CDC40: variants seen among roughly 807,000 people sequenced by gnomAD.
The protein encoded by CDC40 is pre-mRNA-processing factor 17.
In CDC40, 27 loss-of-function variants were observed where a neutral mutation model predicts 80.6. That is an observed-to-expected ratio of 0.33 (90% CI 0.25 to 0.46). CDC40 has a LOEUF of 0.46. Among genes scored for constraint, CDC40 ranks in the 20% least tolerant of loss-of-function variants. CDC40 has a pLI of 1.00. For synonymous variants in CDC40, 221 were observed against 232.6 expected (o/e 0.95, Z 0.45); for missense variants, 486 against 694.1 (o/e 0.70, Z 3.37).
At chr6:110,189,897 T>C (rs1777321902) in intron 1 of CDC40, among the ~76,000 whole-genome samples, 1 of 152,244 alleles carries the variant, frequency 6.6e-6, no homozygotes, top group Non-Finnish European at 1.5e-5. Flanking sequence ...TGCAGCTGGC[T>C]TTCCATAGTC....
At chr6:110,206,200 C>T (rs753903922) in intron 3 of CDC40, among the ~76,000 whole-genome samples, 40 of 152,144 alleles carry the variant, frequency 2.6e-4, no homozygotes, top group Admixed American at 1.0e-3. Flanking sequence ...TGCAGTGGCG[C>T]GATCTCAGCT....
intron 1 of CDC40, among the ~76,000 whole-genome samples, chr6:110,188,269 G>T (rs1434705688): frequency 1.3e-5 from 2 of 152,192 alleles, no homozygotes; most frequent in Non-Finnish European, 2.9e-5. Flanking sequence ...GGGAAGATAT[G>T]AATGTGGCTA....
chr6:110,225,333 A>G (rs1236839672), intron 12 of CDC40, among the ~76,000 whole-genome samples: 1 of 152,212 alleles, frequency 6.6e-6, no homozygotes, highest in African/African-American at 2.4e-5. Flanking sequence ...TCCTTTCAGA[A>G]AAGAATTTTT....
chr6:110,209,918 TTATAGA>T (rs1405283001), intron 5 of CDC40, among the ~76,000 whole-genome samples: 3 of 152,204 alleles, frequency 2.0e-5, no homozygotes, highest in Non-Finnish European at 2.9e-5. Context: ...TGACTTGTTA[TTATAGA>T]TAGAGATTTA....
chr6:110,184,478 T>C (rs1777239975), intron 1 of CDC40, among the ~76,000 whole-genome samples: 1 of 151,886 alleles, frequency 6.6e-6, no homozygotes, highest in Non-Finnish European at 1.5e-5. Context: ...CTTATTTTTA[T>C]GCTGTTAATA....
At chr6:110,223,801 GGTTTTGTTTTGTTTTGTTTTGTTTT>G (rs59654476) in intron 12 of CDC40, among the ~76,000 whole-genome samples, 1 of 143,232 alleles carries the variant, frequency 7.0e-6, no homozygotes, top group Admixed American at 7.0e-5. Flanking sequence ...CAACTTGTAG[GGTTTTGTTTTGTTTTGTTTTGTTTT>G]GTTTTGTTTT....
At chr6:110,207,365 AT>A in intron 3 of CDC40, 140 bp from the exon 4 acceptor site, 2 of 453,456 alleles carry the variant, frequency 4.4e-6, no homozygotes, top group Non-Finnish European at 8.2e-6. Flanking sequence ...GGGCAGAATG[AT>A]TGGTCCTGAT....
intron 2 of CDC40, among the ~76,000 whole-genome samples, chr6:110,199,370 C>T (rs1043772511): frequency 6.6e-5 from 10 of 151,252 alleles, no homozygotes; most frequent in Admixed American, 1.3e-4. Flanking sequence ...CAGAGGCGGG[C>T]GGATACGAGG....
chr6:110,198,359 T>A (rs959474179), intron 2 of CDC40, among the ~76,000 whole-genome samples: 3 of 152,162 alleles, frequency 2.0e-5, no homozygotes, highest in Middle Eastern at 3.4e-3. Flanking sequence ...GTATTTTTCA[T>A]AGAGATAGGG....
intron 2 of CDC40, among the ~76,000 whole-genome samples, chr6:110,196,850 CTCTT>C (rs1777425089): frequency 6.6e-6 from 1 of 151,742 alleles, no homozygotes; most frequent in South Asian, 2.1e-4. Flanking sequence ...AAATAACAGA[CTCTT>C]CTCACCTTAA....
intron 3 of CDC40, among the ~76,000 whole-genome samples, chr6:110,206,972 GAGCTTTGGGTTCTAAATAGAAAAATAT>G (rs1180477302): frequency 3.9e-5 from 6 of 152,166 alleles, no homozygotes; most frequent in Non-Finnish European, 7.3e-5. Context: ...AGTCTAGCCT[GAGCTTTGGGTTCTAAATAGAAAAATAT>G]AGCTTTGGGT....
chr6:110,192,234 A>G (rs1777361722), intron 1 of CDC40, among the ~76,000 whole-genome samples: 1 of 152,222 alleles, frequency 6.6e-6, no homozygotes, highest in South Asian at 2.1e-4. Context: ...AGCTACTCCA[A>G]AAACCCAGAT....
At chr6:110,221,348 G>A (rs1777773583) in intron 12 of CDC40, among the ~76,000 whole-genome samples, 1 of 152,028 alleles carries the variant, frequency 6.6e-6, no homozygotes, top group Admixed American at 6.6e-5. Flanking sequence ...AGTCCCTTTG[G>A]GGACCTCAGC....
Position 110,230,095 on chromosome 6 carries a change from A to T in CDC40, c.1704A>T (p.Thr568=), listed in dbSNP as rs1777916130. Reference sequence around the variant, plus strand: ...CTCATGAAACTTCTAAGGTCATAACATGTGGTTGGGATGGTCTCATTAAAT... The same window carrying T: ...CTCATGAAACTTCTAAGGTCATAACTTGTGGTTGGGATGGTCTCATTAAAT... ...WHPHETSKVI[T]CGWDGLIKLW... Residue 568 remains threonine, a synonymous_variant, in exon 15 of 15, where the codon ACA becomes ACT. Coordinates refer to ENST00000307731, the MANE Select transcript of CDC40 (RefSeq NM_015891.3). 6.2e-7 allele frequency: 1 copy of T among 1,612,564 alleles called. No individual in the cohort carries two copies. Among genetic ancestry groups the T allele is most frequent in the Non-Finnish European group, 8.5e-7 (1 of 1,178,926 alleles).
intron 4 of CDC40, 35 bp from the exon 5 acceptor site, chr6:110,209,049 C>T (rs966148478): frequency 8.2e-6 from 10 of 1,219,558 alleles, no homozygotes; most frequent in Non-Finnish European, 1.1e-5. Context: ...TGTAATCTCT[C>T]AGTTTTTTTT....
At position 110,193,240 on chromosome 6, in the gene CDC40, C is replaced by T. The variant is rs936387655; in HGVS notation, c.248C>T (p.Pro83Leu). ...GCCGTCAAAGAAGTTCAGTATAATC[C>T]TACCTATGAGACCATGTTTGCTCCT... ...DPAVKEVQYN[P>L]TYETMFAPEF... Residue 83 changes from proline (P) to leucine (L), a missense_variant, in exon 2 of 15, where the codon CCT becomes CTT. Around this residue, in one of 3 missense-constraint regions of CDC40, gnomAD observed 381 missense variants for 492.1 expected, o/e 0.77. Transcript: ENST00000307731. The T allele has an allele frequency of 1.2e-6, 2 of 1,606,782 alleles. No homozygotes were observed. The highest frequency in any genetic ancestry group is 1.7e-6 in the Non-Finnish European group (2 of 1,173,584).
chr6:110,202,552 TAAAAC>T (rs970686943), intron 3 of CDC40, among the ~76,000 whole-genome samples: 4 of 152,234 alleles, frequency 2.6e-5, no homozygotes, highest in Admixed American at 6.5e-5. Flanking sequence ...TTGTTTCCTT[TAAAAC>T]AAAACAAAAG....
intron 8 of CDC40, among the ~76,000 whole-genome samples, chr6:110,213,483 G>A (rs537560837): frequency 6.0e-5 from 9 of 149,950 alleles, no homozygotes; most frequent in African/African-American, 2.2e-4. Flanking sequence ...TTCGCCTCCC[G>A]GGTTCATGCC....
intron 3 of CDC40, among the ~76,000 whole-genome samples, chr6:110,206,636 ATGAT>A (rs1192557526): frequency 2.0e-5 from 3 of 152,228 alleles, no homozygotes; most frequent in Non-Finnish European, 4.4e-5. Context: ...AATATAAAGA[ATGAT>A]TGATGAAATA....
Sources: gnomAD v4.1 joint callset for allele counts (sites outside exome capture counted in the v4.1 genomes callset) on GRCh38, gnomAD v4.1.1 for gene constraint, gnomAD v4.1.1 regional missense constraint, MANE v1.5 for transcripts, NCBI Gene and HGNC (gene_info 2026-07-23, HGNC 2026-07-21) for gene names.